Variants in USP22 observed in about 807,000 individuals in gnomAD.
USP22 encodes ubiquitin specific peptidase 22.
In USP22, 22 loss-of-function variants were observed where a neutral mutation model predicts 68.1. That is an observed-to-expected ratio of 0.32 (90% CI 0.23 to 0.46). The LOEUF (loss-of-function observed/expected upper bound fraction) is 0.46, where lower values mean the gene tolerates loss of function less well. Ranked by LOEUF, USP22 falls within the 20% of genes least tolerant of loss-of-function variation. The pLI, the probability that USP22 is intolerant of heterozygous loss-of-function variation, is 1.00. For synonymous variants in USP22, 279 were observed against 274.2 expected (o/e 1.02, Z -0.17); for missense variants, 433 against 695.8 (o/e 0.62, Z 4.25).
intron 2 of USP22, among the ~76,000 whole-genome samples, chr17:21,023,989 TGTG>T (rs1392003483): frequency 1.3e-5 from 2 of 152,224 alleles, no homozygotes; most frequent in Admixed American, 1.3e-4. Flanking sequence ...CGACTTATAT[TGTG>T]GTAAATCTTT....
Position 21,002,711 on chromosome 17 carries a change from A to G in USP22, c.*320T>C. 3.0e-6 allele frequency: 1 copy of G among 338,080 alleles called. No homozygotes were observed. Among genetic ancestry groups the G allele is most frequent in the Non-Finnish European group, 5.7e-6 (1 of 174,344 alleles). 20.9% of individuals were successfully genotyped at this position (338,080 alleles called of 1,614,324 possible). ...TGCTGGGGAACGCCAGGCAGCGGTC[A>G]CTCTGTGCTGTGAGGCCCCCGTTGC... On this transcript the variant is annotated 3_prime_UTR_variant, in exon 13 of 13. Transcript: ENST00000261497.
At chr17:21,032,891 C>G (rs12936310) in intron 1 of USP22, among the ~76,000 whole-genome samples, 2 of 137,458 alleles carry the variant, frequency 1.5e-5, no homozygotes, top group Non-Finnish European at 3.0e-5. Flanking sequence ...CCACTGCCCT[C>G]TAGCCTGAGC....
chr17:21,022,913 AG>A, intron 2 of USP22, among the ~76,000 whole-genome samples: 1 of 152,240 alleles, frequency 6.6e-6, no homozygotes, highest in East Asian at 1.9e-4. Context: ...ACAATAGCAA[AG>A]ACATGAGATC....
At chr17:21,020,416 C>G (rs1972142457) in intron 3 of USP22, among the ~76,000 whole-genome samples, 1 of 152,068 alleles carries the variant, frequency 6.6e-6, no homozygotes, top group Non-Finnish European at 1.5e-5. Context: ...GGTGCGAGAG[C>G]CGTGAGGGCA....
chr17:21,009,153 C>G (rs953877703), intron 8 of USP22, among the ~76,000 whole-genome samples: 1 of 149,222 alleles, frequency 6.7e-6, no homozygotes, highest in African/African-American at 2.5e-5. Flanking sequence ...CCTGACCGTG[C>G]AGAGGCAGGA....
intron 1 of USP22, among the ~76,000 whole-genome samples, chr17:21,040,945 C>A (rs1443755640): frequency 2.0e-5 from 3 of 150,228 alleles, no homozygotes; most frequent in Non-Finnish European, 4.4e-5. Flanking sequence ...AGTACAGTGG[C>A]GCGATCACTG....
intron 1 of USP22, among the ~76,000 whole-genome samples, chr17:21,041,866 G>A (rs1972437479): frequency 6.6e-6 from 1 of 152,220 alleles, no homozygotes; most frequent in South Asian, 2.1e-4. Context: ...CTCACTCCTG[G>A]TTAAGGCCTC....
chr17:21,006,163 G>A (rs1490835140), intron 10 of USP22, among the ~76,000 whole-genome samples: 1 of 152,164 alleles, frequency 6.6e-6, no homozygotes, highest in Non-Finnish European at 1.5e-5. Context: ...TTGGTCATTT[G>A]TCACAGAACC....
At chr17:21,030,837 G>T (rs1972281019) in intron 1 of USP22, among the ~76,000 whole-genome samples, 1 of 152,178 alleles carries the variant, frequency 6.6e-6, no homozygotes, top group Non-Finnish European at 1.5e-5. Flanking sequence ...AGGCATAAAG[G>T]ATATTATTGG....
chr17:21,042,673 T>G lies in USP22; in HGVS notation c.163A>C (p.Lys55Gln). 1.5e-6 allele frequency: 2 copies of G among 1,291,592 alleles called. No homozygotes were observed. Among genetic ancestry groups the G allele is most frequent in the Non-Finnish European group, 2.0e-6 (2 of 1,013,430 alleles). The allele number at this position is 1,291,592 out of a possible 1,614,324, so 80.0% of individuals were successfully genotyped here. The part of the protein sequence containing the change: ...FVWSGTAEAR[K>Q]RKAKSCICHV... ...TGGGCTGCCGGGCGCACCTTGCGCT[T>G]GCGGGCCTCAGCCGTGCCGCTCCAC... Residue 55 changes from lysine to glutamine, a missense_variant, in exon 1 of 13, where the codon AAG becomes CAG. Transcript: ENST00000261497.
intron 2 of USP22, among the ~76,000 whole-genome samples, chr17:21,026,919 A>G (rs1357865013): frequency 1.3e-5 from 2 of 151,018 alleles, no homozygotes; most frequent in African/African-American, 2.4e-5. Context: ...CTCCTGCCTC[A>G]GCTTCCCGAG....
intron 7 of USP22, among the ~76,000 whole-genome samples, chr17:21,012,432 C>G (rs1913998393): frequency 6.6e-6 from 1 of 152,222 alleles, no homozygotes; most frequent in African/African-American, 2.4e-5. Flanking sequence ...AACCAGAAAC[C>G]ATAAAATAAT....
intron 1 of USP22, among the ~76,000 whole-genome samples, chr17:21,039,883 A>G (rs186651481): frequency 6.6e-6 from 1 of 152,272 alleles, no homozygotes; most frequent in African/African-American, 2.4e-5. Flanking sequence ...AGCTTAAAGT[A>G]CTTTTACAGT....
At chr17:21,018,953 G>C in intron 4 of USP22, 131 bp downstream of exon 4, 2 of 921,186 alleles carry the variant, frequency 2.2e-6, no homozygotes, top group Middle Eastern at 2.8e-4. Flanking sequence ...GCTGGTTGCT[G>C]AGCACATTGA....
intron 1 of USP22, among the ~76,000 whole-genome samples, chr17:21,038,107 C>A (rs763660197): frequency 1.3e-5 from 2 of 152,134 alleles, no homozygotes; most frequent in Non-Finnish European, 2.9e-5. Context: ...CTCAAAGAAA[C>A]AAAGTTTTAA....
At chr17:21,025,038 C>T (rs1466005325) in intron 2 of USP22, among the ~76,000 whole-genome samples, 1 of 152,120 alleles carries the variant, frequency 6.6e-6, no homozygotes, top group African/African-American at 2.4e-5. Context: ...AGGACACTAT[C>T]AAGAAACTAA....
intron 10 of USP22, 163 bp downstream of exon 10, chr17:21,006,733 G>C (rs1047542925): frequency 6.8e-6 from 3 of 443,090 alleles, no homozygotes; most frequent in Non-Finnish European, 1.2e-5. Flanking sequence ...TCAATCTGTT[G>C]ACCTCATGAT....
chr17:21,035,284 T>C (rs985036473), intron 1 of USP22, among the ~76,000 whole-genome samples: 2 of 152,234 alleles, frequency 1.3e-5, no homozygotes, highest in African/African-American at 4.8e-5. Flanking sequence ...CACTCAATTC[T>C]ATCTCAATTT....
intron 2 of USP22, among the ~76,000 whole-genome samples, chr17:21,027,310 A>AAAAAAAAAAAAAAAAAAAC (rs58703783): frequency 1.4e-5 from 2 of 144,278 alleles, no homozygotes; most frequent in Non-Finnish European, 3.1e-5. Context: ...AAAAAAAAAA[A>AAAAAAAAAAAAAAAAAAAC]TCAGACACAC....
Sources: allele counts gnomAD v4.1 joint callset (sites outside exome capture counted in the v4.1 genomes callset), GRCh38; gene constraint gnomAD v4.1.1; transcripts MANE v1.5; gene names NCBI Gene and HGNC (gene_info 2026-07-23, HGNC 2026-07-21).